PER2: variants seen among roughly 807,000 people sequenced by gnomAD.
The protein encoded by PER2 is period circadian regulator 2, also known as period circadian protein homolog 2.
In PER2, 66 loss-of-function variants were observed where a neutral mutation model predicts 121.0. That is an observed-to-expected ratio of 0.55 (90% CI 0.45 to 0.67). The LOEUF (loss-of-function observed/expected upper bound fraction) is 0.67. PER2 is among the 30% of genes least tolerant of loss of function. The pLI is 0.00. For missense variants in PER2, 1,521 were observed against 1,635.0 expected (o/e 0.93, Z 1.20); for synonymous variants, 684 against 659.9 (o/e 1.04, Z -0.56).
intron 9 of PER2, among the ~76,000 whole-genome samples, chr2:238,263,396 CAT>C (rs1559328977): frequency 6.6e-6 from 1 of 152,224 alleles, no homozygotes; most frequent in Non-Finnish European, 1.5e-5. Context: ...AGTTTGGCCA[CAT>C]GTGACCTGGC....
upstream of PER2, among the ~76,000 whole-genome samples, chr2:238,294,817 C>T (rs891807348): frequency 2.0e-5 from 3 of 152,216 alleles, no homozygotes; most frequent in Admixed American, 6.5e-5. Flanking sequence ...GTCCAAGCTC[C>T]AACGTGCCTC....
Position 238,262,285 on chromosome 2 carries a change from C to T in PER2, c.1213G>A (p.Gly405Arg), listed in dbSNP as rs748337300. Residue 405 changes from glycine (G) to arginine (R), a missense_variant, in exon 11 of 23, where the codon GGA (glycine) becomes AGA (arginine). By Grantham distance (125) the Gly-to-Arg change is moderately radical (BLOSUM62 -2). Transcript: ENST00000254657. ...CTGGTGTCCAACGTGATGTACTCTC[C>T]GTTCCGGGCGCGAAACCGAATGGGA... is the stretch of plus-strand genomic sequence containing the variant. The part of the protein sequence containing the change: ...YSPIRFRARN[G>R]EYITLDTSWS... The T allele has an allele frequency of 1.5e-5, 25 of 1,613,784 alleles. No individual in the cohort carries two copies. The Admixed American group carries it at 1.8e-4, about 12-fold the overall frequency.
chr2:238,255,430 C>G (rs1574842622), intron 18 of PER2: 1 of 605,742 alleles, frequency 1.7e-6, no homozygotes, highest in Non-Finnish European at 2.9e-6. Context: ...ACCTCGGGCA[C>G]TAGCCTGGGA....
intron 3 of PER2, 64 bp from the exon 4 acceptor site, chr2:238,275,961 G>T: frequency 6.4e-7 from 1 of 1,560,636 alleles, no homozygotes. Context: ...CTGAAGAAAC[G>T]TGCCTCTTGC....
chr2:238,247,836 A>T (rs982030890), intron 22 of PER2, among the ~76,000 whole-genome samples: 2 of 152,142 alleles, frequency 1.3e-5, no homozygotes, highest in Admixed American at 6.5e-5. Context: ...ATTTATTCTG[A>T]TTGAGGTGGC....
At chr2:238,272,314 C>T (rs1296216160) in intron 5 of PER2, among the ~76,000 whole-genome samples, 4 of 152,186 alleles carry the variant, frequency 2.6e-5, no homozygotes, top group African/African-American at 7.2e-5. Context: ...GGACCCTCTG[C>T]TCACTTGGCC....
chr2:238,286,725 C>A (rs1286484668), intron 1 of PER2, among the ~76,000 whole-genome samples: 1 of 152,264 alleles, frequency 6.6e-6, no homozygotes, highest in African/African-American at 2.4e-5. Context: ...CCAAGTGGCC[C>A]TGCCAGCTGT....
At position 238,258,328 on chromosome 2, in the gene PER2, T is replaced by C. The variant is rs747655520; in HGVS notation, c.1848A>G (p.Leu616=). The C allele has an allele frequency of 6.2e-7, 1 of 1,614,210 alleles. No individual in the cohort carries two copies. The highest frequency in any genetic ancestry group is 8.5e-7 in the Non-Finnish European group (1 of 1,180,028). ...KCEFPANVPA[L]RSSDKRKATV... ...TGGCCTTCCGCTTATCACTGGACCT[T>C]AGCGCTGGGACGTTTGCTGGGAACT... The change falls in exon 16 of 23, where the codon CTA becomes CTG. Residue 616 remains leucine, a synonymous_variant. Coordinates refer to ENST00000254657, the MANE Select transcript of PER2 (RefSeq NM_022817.3).
At chr2:238,257,276 T>C (rs1327096795) in intron 16 of PER2, among the ~76,000 whole-genome samples, 190 bp from the exon 17 acceptor site, 1 of 152,174 alleles carries the variant, frequency 6.6e-6, no homozygotes, top group Non-Finnish European at 1.5e-5. Flanking sequence ...AGAAGAATAG[T>C]GGAAAAGAGA....
At chr2:238,281,065 G>A (rs925307664) in intron 1 of PER2, among the ~76,000 whole-genome samples, 1 of 150,714 alleles carries the variant, frequency 6.6e-6, no homozygotes, top group South Asian at 2.1e-4. Flanking sequence ...GTGCAGTGGC[G>A]CAATCTCGGC....
intron 19 of PER2, among the ~76,000 whole-genome samples, 160 bp from the exon 20 acceptor site, chr2:238,251,921 G>A (rs984369656): frequency 3.9e-5 from 6 of 152,170 alleles, no homozygotes; most frequent in East Asian, 3.9e-4. Context: ...AGCAGACCAC[G>A]CATCACCACC....
chr2:238,254,915 G>A (rs947061010), intron 18 of PER2: 2 of 152,220 alleles, frequency 1.3e-5, no homozygotes, highest in Admixed American at 6.5e-5. Context: ...AGAGACCCGG[G>A]GGAGCTGGGT....
chr2:238,258,471 A>C (rs1473706344), intron 15 of PER2, 26 bp downstream of exon 15: 1 of 1,614,134 alleles, frequency 6.2e-7, no homozygotes. Context: ...GAGATGGTGG[A>C]GACTCGGCTG....
rs1361773677 is a variant in PER2 at position 238,268,235 on chromosome 2, G to A, written c.825-37C>T. 2 of 1,607,648 alleles carry A rather than the reference G, an allele frequency of 1.2e-6. No individual in the cohort carries two copies. The highest frequency in any genetic ancestry group is 2.7e-5 in the African/African-American group (2 of 74,828). Reference sequence around the variant, plus strand: ...AGCCACGCTCTAAGTTGGGAACTGTGACACAGGAACAGTCCCCTGTTCTGT... The same window carrying A: ...AGCCACGCTCTAAGTTGGGAACTGTAACACAGGAACAGTCCCCTGTTCTGT... On this transcript the variant is annotated intron_variant, in intron 7 of 22. Transcript: ENST00000254657. This position sits in a 1 kb window ranked among gnomAD's most constrained non-coding sequence, Gnocchi z 4.0.
chr2:238,284,521 A>G (rs1444482857), intron 1 of PER2, among the ~76,000 whole-genome samples: 2 of 152,180 alleles, frequency 1.3e-5, no homozygotes, highest in Non-Finnish European at 2.9e-5. Flanking sequence ...AGAGAGAATG[A>G]ATTGTCATGG....
intron 6 of PER2, among the ~76,000 whole-genome samples, chr2:238,270,461 A>C (rs1265913463): frequency 6.6e-6 from 1 of 152,174 alleles, no homozygotes; most frequent in African/African-American, 2.4e-5. Flanking sequence ...TCTTTCATAC[A>C]TTTCATCTAC....
At chr2:238,294,913 C>T (rs563757811), upstream of PER2, among the ~76,000 whole-genome samples, 49 of 152,294 alleles carry the variant, frequency 3.2e-4, no homozygotes, top group Admixed American at 9.8e-4. Flanking sequence ...AATATAACTC[C>T]GCTCTGAGTC....
chr2:238,253,736 T>C lies in PER2; in HGVS notation c.2321-34A>G. On this transcript the variant is annotated intron_variant, in intron 18 of 22. Coordinates refer to ENST00000254657, the MANE Select transcript of PER2 (RefSeq NM_022817.3). The surrounding 1 kb of genome is among the most constrained non-coding windows in gnomAD (Gnocchi z 5.6). The stretch of plus-strand genomic sequence containing the variant: ...GAAAAACAAATACTCGGAGTTAAAA[T>C]TTTAACTCCAAATTTGAAGACACCT... 6.6e-7 allele frequency: 1 copy of C among 1,510,642 alleles called. No homozygotes were observed. The highest frequency in any genetic ancestry group is 9.0e-7 in the Non-Finnish European group (1 of 1,107,016). The allele number at this position is 1,510,642 out of a possible 1,614,324, so 93.6% of individuals were successfully genotyped here. A position where few individuals can be genotyped will look rare whatever the true frequency, so the allele number is the denominator to read the frequency against.
intron 4 of PER2, 51 bp downstream of exon 4, chr2:238,275,692 A>T (rs753038181): frequency 6.4e-7 from 1 of 1,574,376 alleles, no homozygotes; most frequent in Non-Finnish European, 8.7e-7. Flanking sequence ...ATTTGGGGGG[A>T]TTTAAAACAT....
Sources: allele counts gnomAD v4.1 joint callset (sites outside exome capture counted in the v4.1 genomes callset), GRCh38; gene constraint gnomAD v4.1.1; non-coding constraint Gnocchi (gnomAD v3.1); transcripts MANE v1.5; gene names NCBI Gene and HGNC (gene_info 2026-07-23, HGNC 2026-07-21).